The following ATP13A4 variants were observed in gnomAD, a reference collection of about 807,000 sequenced individuals.
ATP13A4 encodes the protein probable cation-transporting ATPase 13A4.
ATP13A4 carries 114 observed loss-of-function variants against 142.5 expected under a neutral mutation model. That is an observed-to-expected ratio of 0.80 (90% CI 0.69 to 0.93). The LOEUF (loss-of-function observed/expected upper bound fraction) is 0.93, where lower values mean the gene tolerates loss of function less well. ATP13A4 is among the 40% of genes least tolerant of loss of function. The pLI, the probability that ATP13A4 is intolerant of heterozygous loss-of-function variation, is 0.00. For missense variants in ATP13A4, 1,392 were observed against 1,454.0 expected (o/e 0.96, Z 0.69); for synonymous variants, 488 against 514.8 (o/e 0.95, Z 0.70).
chr3:193,490,918 G>A (rs1048536076), intron 6 of ATP13A4, among the ~76,000 whole-genome samples: 2 of 152,128 alleles, frequency 1.3e-5, no homozygotes, highest in Non-Finnish European at 2.9e-5. Context: ...GAGATCAGCA[G>A]TACTGAGAAG....
intron 8 of ATP13A4, among the ~76,000 whole-genome samples, chr3:193,482,182 A>G (rs926568988): frequency 6.6e-6 from 1 of 152,212 alleles, no homozygotes; most frequent in African/African-American, 2.4e-5. Context: ...TGAAAACTCA[A>G]TTCAGTGGAG....
rs765820446 is a variant in ATP13A4, at chr3:193,433,848, T to C, written c.2839A>G (p.Thr947Ala). ...AGAAAGTTTTAAAATGTCTTACTTG[T>C]TACACCAATAAGAGTTGTAATGGCC... is the stretch of plus-strand genomic sequence containing the variant. ...DLAITTLIGVTMNLNGAYPKL... is the reference protein window; with the variant it reads ...DLAITTLIGVAMNLNGAYPKL... The change falls in exon 25 of 30, where the codon ACA (threonine) becomes GCA (alanine). Residue 947 changes from threonine (T) to alanine (A), a missense_variant. By Grantham distance (58) the Thr-to-Ala change is moderately conservative (BLOSUM62 0). Transcript: ENST00000342695. 4.3e-6 allele frequency: 7 copies of C among 1,612,658 alleles called. No individual in the cohort carries two copies. The highest frequency in any genetic ancestry group is 5.9e-6 in the Non-Finnish European group (7 of 1,178,686).
chr3:193,415,882 A>C (rs904064165), intron 25 of ATP13A4, among the ~76,000 whole-genome samples: 11 of 152,212 alleles, frequency 7.2e-5, no homozygotes, highest in African/African-American at 2.7e-4. Context: ...TGCTATGTAA[A>C]TGCCCAGGGC....
At chr3:193,532,964 A>G (rs1722410148) in intron 1 of ATP13A4, among the ~76,000 whole-genome samples, 1 of 152,234 alleles carries the variant, frequency 6.6e-6, no homozygotes, top group Non-Finnish European at 1.5e-5. Flanking sequence ...GTAGAAAAAA[A>G]GTGTGTAAGA....
chr3:193,464,944 T>A lies in ATP13A4; in HGVS notation c.1457A>T (p.Asp486Val), dbSNP rs142255666. 305 of 1,613,750 alleles carry A rather than the reference T, an allele frequency of 1.9e-4. No homozygotes were observed. The highest frequency in any genetic ancestry group is 3.2e-5 in the Non-Finnish European group (38 of 1,179,846). ...ATAAGGATGAAACACACATACCTTG[T>A]CAAAGCAGACAAGGTTTAACTGTCC... The part of the protein sequence containing the change: ...VCGQLNLVCF[D>V]KTGTLTRDGL... Residue 486 changes from aspartate (D) to valine (V), a missense_variant, in exon 12 of 30, where the codon GAC (aspartate) becomes GTC (valine). Physicochemically the swap from Asp to Val is radical, Grantham distance 152 (BLOSUM62 -3). Coordinates refer to ENST00000342695, the MANE Select transcript of ATP13A4 (RefSeq NM_032279.4).
intron 5 of ATP13A4, among the ~76,000 whole-genome samples, chr3:193,491,895 C>G (rs6444725): frequency 0.15 from 22,935 of 152,076 alleles, 2,305 homozygotes; most frequent in African/African-American, 0.27. Flanking sequence ...AAAAATAGCT[C>G]TACACACATA....
At chr3:193,434,044 CG>C (rs1716120706) in intron 24 of ATP13A4, 127 bp from the exon 25 acceptor site, 1 of 808,832 alleles carries the variant, frequency 1.2e-6, no homozygotes. Context: ...ATGCTGTGTT[CG>C]GGGCCTGGTT....
At chr3:193,432,780 G>A (rs13077551) in intron 25 of ATP13A4, among the ~76,000 whole-genome samples, 2 of 151,864 alleles carry the variant, frequency 1.3e-5, no homozygotes, top group Non-Finnish European at 2.9e-5. Context: ...CTACTGAGAC[G>A]GTAAAAGATC....
In ATP13A4 at chr3:193,531,805, G is replaced by C. The variant is rs575328061; in HGVS notation, c.61-16934C>G. ...TGTATTTACCTTTACAGCAGTTACTGTTTCTCTTGGGGGAAACCTCCTTAT... is the reference window on the plus strand; with the variant it reads ...TGTATTTACCTTTACAGCAGTTACTCTTTCTCTTGGGGGAAACCTCCTTAT... On this transcript the variant is annotated intron_variant, in intron 1 of 29. Coordinates refer to ENST00000342695, the MANE Select transcript of ATP13A4 (RefSeq NM_032279.4). Among the ~76,000 whole-genome samples, 20 of 152,262 alleles carry C rather than the reference G, an allele frequency of 1.3e-4. No homozygotes were observed. The East Asian group carries it at 3.7e-3, about 28-fold the overall frequency.
intron 25 of ATP13A4, among the ~76,000 whole-genome samples, chr3:193,430,303 C>T (rs746712146): frequency 7.2e-5 from 11 of 152,040 alleles, no homozygotes; most frequent in Non-Finnish European, 4.4e-5. Context: ...AAAGCCTGTA[C>T]GAGGTTGTTC....
intron 2 of ATP13A4, among the ~76,000 whole-genome samples, chr3:193,509,426 A>C (rs2108681488): frequency 6.6e-6 from 1 of 152,334 alleles, no homozygotes; most frequent in South Asian, 2.1e-4. Context: ...TGGCTGGCAT[A>C]CAATGTGTGC....
At chr3:193,510,752 CTAATCAG>C (rs1721101491) in intron 2 of ATP13A4, among the ~76,000 whole-genome samples, 1 of 151,740 alleles carries the variant, frequency 6.6e-6, no homozygotes, top group Non-Finnish European at 1.5e-5. Flanking sequence ...AAATGACTGC[CTAATCAG>C]TATCTGTGAT....
At chr3:193,456,427 T>C (rs1717616227) in intron 16 of ATP13A4, among the ~76,000 whole-genome samples, 3 of 152,184 alleles carry the variant, frequency 2.0e-5, no homozygotes, top group African/African-American at 4.8e-5. Context: ...GAGAGTAAGC[T>C]GTGAAGACTT....
At chr3:193,523,301 T>A (rs1721823708) in intron 1 of ATP13A4, among the ~76,000 whole-genome samples, 1 of 149,366 alleles carries the variant, frequency 6.7e-6, no homozygotes, top group Non-Finnish European at 1.5e-5. Flanking sequence ...TGAAACTCCG[T>A]CTCAAAAAAA....
At chr3:193,452,985 C>A (rs1410037775) in intron 17 of ATP13A4, among the ~76,000 whole-genome samples, 1 of 151,796 alleles carries the variant, frequency 6.6e-6, no homozygotes, top group African/African-American at 2.4e-5. Context: ...ACTTGTTAAC[C>A]ACTTCACAGT....
intron 1 of ATP13A4, among the ~76,000 whole-genome samples, chr3:193,528,270 T>C (rs1160255102): frequency 1.3e-5 from 2 of 152,218 alleles, no homozygotes; most frequent in Non-Finnish European, 2.9e-5. Flanking sequence ...CTGTGCCATA[T>C]TGATCAACTG....
At chr3:193,472,024 C>G (rs970841641) in intron 8 of ATP13A4, among the ~76,000 whole-genome samples, 1 of 152,046 alleles carries the variant, frequency 6.6e-6, no homozygotes, top group Non-Finnish European at 1.5e-5. Context: ...GGGACCCGAG[C>G]AAGGTGAAAA....
chr3:193,548,190 G>A lies in ATP13A4; in HGVS notation c.60+6550C>T, dbSNP rs1248660057. On this transcript the variant is annotated intron_variant, in intron 1 of 29. Transcript: ENST00000342695. ...AAATAAATAACATAACATTTTCTAG[G>A]TTTATTTTTAAATTACTCAAACCAC... Among the ~76,000 whole-genome samples the A allele has an allele frequency of 2.0e-5, 3 of 152,198 alleles. No homozygotes were observed. In the East Asian group the frequency reaches 5.8e-4, roughly 29 times the overall value.
At chr3:193,511,862 G>A (rs956839460) in intron 2 of ATP13A4, among the ~76,000 whole-genome samples, 2 of 152,186 alleles carry the variant, frequency 1.3e-5, no homozygotes, top group Non-Finnish European at 2.9e-5. Context: ...AAATCAAAAC[G>A]TTTGACTCCA....
Sources: allele counts gnomAD v4.1 joint callset (sites outside exome capture counted in the v4.1 genomes callset), GRCh38; gene constraint gnomAD v4.1.1; transcripts MANE v1.5; gene names NCBI Gene and HGNC (gene_info 2026-07-23, HGNC 2026-07-21).